The following SYT17 variants were observed in gnomAD, a reference collection of about 807,000 sequenced individuals.
SYT17 encodes synaptotagmin 17.
SYT17 carries 22 observed loss-of-function variants against 46.7 expected under a neutral mutation model. That is an observed-to-expected ratio of 0.47 (90% confidence interval 0.34 to 0.67). The LOEUF (loss-of-function observed/expected upper bound fraction) is 0.67, where lower values mean the gene tolerates loss of function less well. Among genes scored for constraint, SYT17 ranks in the 30% least tolerant of loss-of-function variants. The pLI is 0.01. For missense variants in SYT17, 519 were observed against 612.8 expected (o/e 0.85, Z 1.62); for synonymous variants, 251 against 248.4 (o/e 1.01, Z -0.10).
chr16:19,208,839 C>T (rs781671580), intron 5 of SYT17, among the ~76,000 whole-genome samples: 8 of 146,318 alleles, frequency 5.5e-5, no homozygotes, highest in Middle Eastern at 3.6e-3. Context: ...GCCTACCCTA[C>T]TCCAGTATAA....
intron 7 of SYT17, among the ~76,000 whole-genome samples, chr16:19,261,403 A>T (rs1051727074): frequency 1.3e-5 from 2 of 152,174 alleles, no homozygotes; most frequent in Non-Finnish European, 2.9e-5. Context: ...AGGCTGAATC[A>T]CTCAAGCGCT....
intron 1 of SYT17, among the ~76,000 whole-genome samples, chr16:19,169,007 G>T (rs991577495): frequency 6.6e-6 from 1 of 151,738 alleles, no homozygotes; most frequent in Non-Finnish European, 1.5e-5. Flanking sequence ...AGGGCGGCCC[G>T]GGGCGCGCCA....
chr16:19,249,761 A>T (rs578213965), intron 7 of SYT17, among the ~76,000 whole-genome samples: 23 of 152,274 alleles, frequency 1.5e-4, no homozygotes, highest in East Asian at 3.9e-4. Flanking sequence ...TAGACAAAAT[A>T]TGAAGGTTTC....
chr16:19,223,278 AGGCAG>A, intron 6 of SYT17, 113 bp downstream of exon 6: 3 of 1,346,806 alleles, frequency 2.2e-6, no homozygotes, highest in Non-Finnish European at 3.0e-6. Flanking sequence ...TCTCAGGATG[AGGCAG>A]GTAAATGATG....
chr16:19,246,722 T>C (rs1232535533), intron 7 of SYT17, among the ~76,000 whole-genome samples: 1 of 152,232 alleles, frequency 6.6e-6, no homozygotes, highest in Non-Finnish European at 1.5e-5. Context: ...TACTGCCACT[T>C]GCTCTTCTCA....
intron 7 of SYT17, among the ~76,000 whole-genome samples, chr16:19,264,937 A>G (rs1969261949): frequency 6.6e-6 from 1 of 152,144 alleles, no homozygotes; most frequent in African/African-American, 2.4e-5. Context: ...AGTAGAACCC[A>G]TACCCATTTA....
chr16:19,252,712 T>C (rs1968276860), intron 7 of SYT17, among the ~76,000 whole-genome samples: 1 of 150,580 alleles, frequency 6.6e-6, no homozygotes, highest in Non-Finnish European at 1.5e-5. Flanking sequence ...ATGAGGCACT[T>C]ACCCTAAGCC....
chr16:19,252,693 A>C (rs1212603391), intron 7 of SYT17, among the ~76,000 whole-genome samples: 1 of 150,292 alleles, frequency 6.7e-6, no homozygotes, highest in Admixed American at 6.7e-5. Context: ...TCCTCAACTT[A>C]ATGTTTGCAT....
chr16:19,197,788 G>A (rs1965311035), intron 5 of SYT17, among the ~76,000 whole-genome samples: 1 of 152,078 alleles, frequency 6.6e-6, no homozygotes, highest in Non-Finnish European at 1.5e-5. Context: ...AGGTGATTTG[G>A]ACCAACTTTC....
At chr16:19,260,336 C>CAAAAAAAAAAAAAA (rs34504914) in intron 7 of SYT17, among the ~76,000 whole-genome samples, 1 of 22,884 alleles carries the variant, frequency 4.4e-5, no homozygotes, top group Non-Finnish European at 7.1e-5. Context: ...CAGAAAATAC[C>CAAAAAAAAAAAAAA]AAAAAAAAAA....
At position 19,183,637 on chromosome 16, in the gene SYT17, C is replaced by A; in HGVS notation, c.441C>A (p.Thr147=). 6.2e-7 allele frequency: 1 copy of A among 1,614,208 alleles called. No individual in the cohort carries two copies. Among genetic ancestry groups the A allele is most frequent in the African/African-American group, 1.3e-5 (1 of 75,064 alleles). The change falls in exon 5 of 8, where the codon ACC becomes ACA. Residue 147 remains threonine, a synonymous_variant. Coordinates refer to ENST00000355377, the MANE Select transcript of SYT17 (RefSeq NM_016524.4). This position sits in a 1 kb window ranked among gnomAD's most constrained non-coding sequence, Gnocchi z 5.6. ...EPIQPSVLRR[T]YNPDDYFRKF... ...TCCAACCTTCGGTGCTCAGACGGAC[C>A]TATAACCCCGACGACTATTTCAGGA...
intron 7 of SYT17, among the ~76,000 whole-genome samples, chr16:19,253,904 T>G (rs896206554): frequency 6.6e-6 from 1 of 152,084 alleles, no homozygotes; most frequent in Non-Finnish European, 1.5e-5. Flanking sequence ...ATTTTTTGTA[T>G]TTTTAGTAGA....
intron 7 of SYT17, among the ~76,000 whole-genome samples, chr16:19,257,302 T>C (rs900462298): frequency 3.3e-5 from 5 of 149,774 alleles, no homozygotes; most frequent in Non-Finnish European, 7.4e-5. Context: ...AGAAATGTCA[T>C]AGCTAAAAAA....
intron 3 of SYT17, among the ~76,000 whole-genome samples, chr16:19,179,046 A>G (rs1330955532): frequency 6.6e-6 from 1 of 150,464 alleles, no homozygotes; most frequent in Non-Finnish European, 1.5e-5. Context: ...AAAAAAAACA[A>G]TGAATTGATC....
intron 7 of SYT17, among the ~76,000 whole-genome samples, chr16:19,246,142 C>G (rs1003486372): frequency 2.0e-5 from 3 of 151,848 alleles, no homozygotes; most frequent in African/African-American, 7.3e-5. Flanking sequence ...CAGGCACCCA[C>G]CAGCAAGCCC....
chr16:19,252,518 CAT>C lies in SYT17; in HGVS notation c.1229-14352_1229-14351del, dbSNP rs1196125928. 4.6e-3 allele frequency among the ~76,000 whole-genome samples: 25 copies of C among 5,408 alleles called. 11 individuals are homozygous for C. The highest frequency in any genetic ancestry group is 6.9e-3 in the Non-Finnish European group (24 of 3,498). The allele number at this position is 5,408 out of a possible 152,430, so 3.5% of individuals were successfully genotyped here. ...ACATATATATATACATATATATATA[CAT>C]ATATATATACATATATATATTTTTT... On this transcript the variant is annotated intron_variant, in intron 7 of 7. Transcript: ENST00000355377.
At chr16:19,191,836 G>C (rs1048996313) in intron 5 of SYT17, among the ~76,000 whole-genome samples, 1 of 152,146 alleles carries the variant, frequency 6.6e-6, no homozygotes, top group Admixed American at 6.5e-5. Flanking sequence ...CCAGACTGGA[G>C]TGTAGTGGCA....
chr16:19,246,551 A>G (rs1310728739), intron 7 of SYT17, among the ~76,000 whole-genome samples: 2 of 152,292 alleles, frequency 1.3e-5, no homozygotes, highest in East Asian at 1.9e-4. Flanking sequence ...TGTAACATCT[A>G]GGCTCTTTCC....
upstream of SYT17, chr16:19,167,983 C>T (rs2142479038): frequency 6.6e-6 from 1 of 152,514 alleles, no homozygotes; most frequent in East Asian, 1.9e-4. Flanking sequence ...CTGCAAGCCT[C>T]ACCGCAACCG....
Sources: gnomAD v4.1 joint callset for allele counts (sites outside exome capture counted in the v4.1 genomes callset) on GRCh38, gnomAD v4.1.1 for gene constraint, Gnocchi (gnomAD v3.1) non-coding constraint, MANE v1.5 for transcripts, NCBI Gene and HGNC (gene_info 2026-07-23, HGNC 2026-07-21) for gene names.